Variants in ZNF534 observed in about 807,000 individuals in gnomAD.
ZNF534 encodes zinc finger protein 534, also known as KRAB domain only 3.
A neutral mutation model predicts 13.6 loss-of-function variants in ZNF534; 19 were observed. The observed-to-expected ratio is 1.40, with a 90% CI of 0.97 to 2.05. The LOEUF (loss-of-function observed/expected upper bound fraction) is 2.05, where lower values mean the gene tolerates loss of function less well. Among genes scored for constraint, ZNF534 ranks in the 30% most tolerant of loss-of-function variants. The pLI is 0.00. For synonymous variants in ZNF534, 244 were observed against 273.8 expected (o/e 0.89, Z 1.07); for missense variants, 782 against 796.3 (o/e 0.98, Z 0.22).
intron 4 of ZNF534, among the ~76,000 whole-genome samples, chr19:52,449,727 AAAATTTGTTTGTGGC>A (rs1428626231): frequency 0.014 from 2,128 of 152,136 alleles, 50 homozygotes; most frequent in African/African-American, 0.048. Context: ...ATTGGCTTTA[AAAATTTGTTTGTGGC>A]CAGGTGTGGT....
At chr19:52,451,815 C>CA in exon 5 of ZNF534, 17 of 745,160 alleles carry the variant, frequency 2.3e-5, no homozygotes, top group Admixed American at 4.0e-5. Context: ...AGTTTGAAGT[C>CA]AAAAAAAGGT....
chr19:52,435,565 A>G (rs1204977537), intron 4 of ZNF534, among the ~76,000 whole-genome samples: 5 of 152,194 alleles, frequency 3.3e-5, no homozygotes, highest in Non-Finnish European at 5.9e-5. Context: ...GTGCAGTGGC[A>G]TGATTATGGC....
rs1331290935 is a variant in ZNF534 at position 52,439,320 on chromosome 19, C to T, written c.1860C>T (p.Arg620=). The T allele has an allele frequency of 5.1e-6, 8 of 1,555,042 alleles. No homozygotes were observed. Among genetic ancestry groups the T allele is most frequent in the African/African-American group, 1.4e-5 (1 of 73,026 alleles). ...GCAAGGTCTTCAGTCGGAATTCACG[C>T]CTTGCACAACATAGGAATATTCATA... is the stretch of plus-strand genomic sequence containing the variant. The part of the protein sequence containing the change: ...ECSKVFSRNS[R]LAQHRNIHTG... The change falls in exon 5 of 5, where the codon CGC becomes CGT. Residue 620 remains arginine (R), a synonymous_variant. Transcript: ENST00000433050.
chr19:52,439,027 A>G lies in ZNF534; in HGVS notation c.1567A>G (p.Ser523Gly), dbSNP rs747323811. 5.0e-6 allele frequency: 8 copies of G among 1,599,804 alleles called. No homozygotes were observed. Among genetic ancestry groups the G allele is most frequent in the Middle Eastern group, 1.6e-4 (1 of 6,072 alleles). The change falls in exon 5 of 5, where the codon AGT (serine) becomes GGT (glycine). Residue 523 changes from serine to glycine, a missense_variant. Physicochemically the swap from Ser to Gly is moderately conservative, Grantham distance 56. Around this residue, in one of 5 missense-constraint regions of ZNF534, gnomAD observed 591 missense variants for 574.0 expected, o/e 1.03. Transcript: ENST00000433050. ...RDIHTGEKPY[S>G]CNECGKVFRR... Reference sequence around the variant, plus strand: ...TATTCATACTGGAGAGAAGCCTTACAGTTGTAATGAATGTGGCAAGGTCTT... The same window carrying G: ...TATTCATACTGGAGAGAAGCCTTACGGTTGTAATGAATGTGGCAAGGTCTT...
intron 4 of ZNF534, among the ~76,000 whole-genome samples, chr19:52,449,059 A>T (rs543717882): frequency 6.6e-6 from 1 of 152,160 alleles, no homozygotes; most frequent in South Asian, 2.1e-4. Context: ...CCTCCATGAG[A>T]TTAACTTTTT....
Position 52,431,518 on chromosome 19 carries a change from T to C in ZNF534, c.15+29T>C, listed in dbSNP as rs778119342. Reference sequence around the variant, plus strand: ...AGGTAATGTTCTCAGTGGATTGTTCTGTCTCTGTTTCTTCCTGAAATGCCA... The same window carrying C: ...AGGTAATGTTCTCAGTGGATTGTTCCGTCTCTGTTTCTTCCTGAAATGCCA... On this transcript the variant is annotated intron_variant, in intron 2 of 4. Transcript: ENST00000433050. 2.5e-6 allele frequency: 4 copies of C among 1,613,852 alleles called. No individual in the cohort carries two copies. In the South Asian group the frequency reaches 4.4e-5, roughly 18 times the overall value.
At chr19:52,445,477 G>A (rs1332063360), downstream of ZNF534, among the ~76,000 whole-genome samples, 3 of 152,318 alleles carry the variant, frequency 2.0e-5, no homozygotes, top group East Asian at 5.8e-4. Context: ...GATTATAGGT[G>A]TGAGCCATAG....
exon 5 of ZNF534, chr19:52,451,294 C>A: frequency 9.2e-7 from 1 of 1,090,706 alleles, no homozygotes; most frequent in Non-Finnish European, 1.4e-6. Flanking sequence ...AAATGACTCC[C>A]CTCTGCCCTC....
chr19:52,432,512 A>G (rs980110678), intron 2 of ZNF534, among the ~76,000 whole-genome samples: 9 of 152,190 alleles, frequency 5.9e-5, no homozygotes, highest in Non-Finnish European at 1.3e-4. Flanking sequence ...TTGTTGCTGT[A>G]CCAGTTAGTT....
chr19:52,430,437 C>G (rs2059079614), intron 1 of ZNF534, among the ~76,000 whole-genome samples: 1 of 152,130 alleles, frequency 6.6e-6, no homozygotes, highest in African/African-American at 2.4e-5. Context: ...GAACATAGTG[C>G]ACATCGATAA....
chr19:52,434,448 G>A lies in ZNF534; in HGVS notation c.142+367G>A, dbSNP rs1190284333. Reference sequence around the variant, plus strand: ...CCACTGCACTCCAGCCTGGGTGACAGATCAAGACTCCGTCTCAAAAAAAAA... The same window carrying A: ...CCACTGCACTCCAGCCTGGGTGACAAATCAAGACTCCGTCTCAAAAAAAAA... On this transcript the variant is annotated intron_variant, in intron 3 of 4. Transcript: ENST00000433050. Among the ~76,000 whole-genome samples the A allele has an allele frequency of 2.7e-4, 29 of 108,976 alleles. 1 individual carries two copies. The highest frequency in any genetic ancestry group is 2.4e-3 in the Admixed American group (18 of 7,456). The allele number at this position is 108,976 out of a possible 152,430, so 71.5% of individuals were successfully genotyped here.
intron 2 of ZNF534, among the ~76,000 whole-genome samples, chr19:52,432,670 T>C (rs1307871219): frequency 6.7e-6 from 1 of 149,892 alleles, no homozygotes; most frequent in African/African-American, 2.5e-5. Flanking sequence ...TCTCGCCCTG[T>C]CACCCAGGCT....
At position 52,440,178 on chromosome 19, in the gene ZNF534, A is replaced by ATC. The variant is rs573661162; in HGVS notation, c.*732_*733insTC. Among the ~76,000 whole-genome samples, 196 of 152,344 alleles carry ATC rather than the reference A, an allele frequency of 1.3e-3. 1 individual carries two copies. Among genetic ancestry groups the ATC allele is most frequent in the African/African-American group, 4.3e-3 (179 of 41,574 alleles). On this transcript the variant is annotated 3_prime_UTR_variant, in exon 5 of 5. Coordinates refer to ENST00000433050, the MANE Select transcript of ZNF534 (RefSeq NM_001143938.3). The stretch of plus-strand genomic sequence containing the variant: ...CCATCTATTAATCCATACTGGAAGG[A>ATC]AACCATAGAAATATAAAGAATACAA...
chr19:52,432,976 C>A (rs1217020013), intron 2 of ZNF534, among the ~76,000 whole-genome samples: 1 of 152,062 alleles, frequency 6.6e-6, no homozygotes, highest in African/African-American at 2.4e-5. Context: ...GATGTGGTAG[C>A]TCATGCCTGT....
rs1197168204 is a variant in ZNF534 at position 52,438,363 on chromosome 19, T to A, written c.903T>A (p.Ser301Arg). ...CTGGAGAGAAGCCTTACAAATGTAG[T>A]GAATGTGGCAAAGCATTTAGTGTGT... Reference protein sequence around the residue: ...IHTGEKPYKCSECGKAFSVCS... With the variant: ...IHTGEKPYKCRECGKAFSVCS... The change falls in exon 5 of 5, where the codon AGT (serine) becomes AGA (arginine). Residue 301 changes from serine (S) to arginine (R), a missense_variant. Transcript: ENST00000433050. The A allele has an allele frequency of 6.2e-7, 1 of 1,613,562 alleles. No individual in the cohort carries two copies. The highest frequency in any genetic ancestry group is 1.7e-5 in the Admixed American group (1 of 59,980).
At chr19:52,450,691 G>GT (rs2059211148) in intron 4 of ZNF534, among the ~76,000 whole-genome samples, 1 of 20,388 alleles carries the variant, frequency 4.9e-5, no homozygotes, top group African/African-American at 1.2e-4. Flanking sequence ...TTTTGTTTTT[G>GT]TTTTTGTTTT....
rs2059174048 is a variant in ZNF534 at position 52,441,749 on chromosome 19, G to C, written c.*2303G>C. Reference sequence around the variant, plus strand: ...CACATCTTGCGAATCACCACATAGAGAGAAACCTTACAAATACAAATCACC... The same window carrying C: ...CACATCTTGCGAATCACCACATAGACAGAAACCTTACAAATACAAATCACC... On this transcript the variant is annotated 3_prime_UTR_variant, in exon 5 of 5. Coordinates refer to ENST00000433050, the MANE Select transcript of ZNF534 (RefSeq NM_001143938.3). Among the ~76,000 whole-genome samples the C allele has an allele frequency of 6.6e-6, 1 of 152,138 alleles. No individual in the cohort carries two copies. Among genetic ancestry groups the C allele is most frequent in the Admixed American group, 6.5e-5 (1 of 15,270 alleles).
chr19:52,438,869 A>T lies in ZNF534; in HGVS notation c.1409A>T (p.Glu470Val). Residue 470 changes from glutamate to valine, a missense_variant, in exon 5 of 5, where the codon GAA (glutamate) becomes GTA (valine). Transcript: ENST00000433050. ...HTGEKPYKCN[E>V]CGKVFSQNSN... ...GGAGAGAAGCCTTACAAATGTAACG[A>T]ATGTGGCAAGGTCTTCAGTCAGAAT... 8.8e-6 allele frequency: 14 copies of T among 1,596,928 alleles called. No homozygotes were observed. The highest frequency in any genetic ancestry group is 1.2e-5 in the Non-Finnish European group (14 of 1,168,022).
In ZNF534 at chr19:52,441,106, A is replaced by G. The variant is rs2561004; in HGVS notation, c.*1660A>G. Reference sequence around the variant, plus strand: ...TTTTTAGTAGAGACGGGGTTTCACCATGTTAGCCAGGCTGGTCTCGATCTC... The same window carrying G: ...TTTTTAGTAGAGACGGGGTTTCACCGTGTTAGCCAGGCTGGTCTCGATCTC... On this transcript the variant is annotated 3_prime_UTR_variant, in exon 5 of 5. Transcript: ENST00000433050. Among the ~76,000 whole-genome samples the G allele has an allele frequency of 0.91, 138,290 of 151,968 alleles. 63,333 individuals carry two copies. Among genetic ancestry groups the G allele is most frequent in the Non-Finnish European group, 0.97 (65,638 of 67,980 alleles).
Sources: gnomAD v4.1 joint callset for allele counts (sites outside exome capture counted in the v4.1 genomes callset) on GRCh38, gnomAD v4.1.1 for gene constraint, gnomAD v4.1.1 regional missense constraint, MANE v1.5 for transcripts, NCBI Gene and HGNC (gene_info 2026-07-23, HGNC 2026-07-21) for gene names.